Variants in ZNF681 observed in about 807,000 individuals in gnomAD.
ZNF681 encodes zinc finger protein 681.
In ZNF681, 37 loss-of-function variants were observed where a neutral mutation model predicts 56.0. The ratio of observed to expected loss-of-function variants is 0.66; its 90% confidence interval spans 0.51 to 0.87. The LOEUF is 0.87. Ranked by LOEUF, ZNF681 falls within the 40% of genes least tolerant of loss-of-function variation. The pLI is 0.00. For missense variants in ZNF681, 741 were observed against 744.9 expected (o/e 0.99, Z 0.06); for synonymous variants, 225 against 248.6 (o/e 0.91, Z 0.89).
rs2144835363 is a variant in ZNF681 at position 23,740,984 on chromosome 19, C to T, written c.*2628G>A. ...AAACAAAAATTTGCATAGGGAGATT[C>T]TGAATTATAAGCCATACAATTTTAC... On this transcript the variant is annotated 3_prime_UTR_variant, in exon 4 of 4. Coordinates refer to ENST00000402377, the MANE Select transcript of ZNF681 (RefSeq NM_138286.3). 6.6e-6 allele frequency: 1 copy of T among 152,174 alleles called. No individual in the cohort carries two copies. Among genetic ancestry groups the T allele is most frequent in the East Asian group, 1.9e-4 (1 of 5,178 alleles). 9.4% of individuals were successfully genotyped at this position (152,174 alleles called of 1,614,324 possible).
chr19:23,751,338 T>C (rs1007492803), intron 3 of ZNF681, among the ~76,000 whole-genome samples: 130 of 151,110 alleles, frequency 8.6e-4, no homozygotes, highest in African/African-American at 2.6e-3. Context: ...TAGCTGGGCG[T>C]TTTGGCACAT....
In ZNF681 at chr19:23,744,775, A is replaced by G. The variant is rs144389205; in HGVS notation, c.775T>C (p.Cys259Arg). 5.0e-6 allele frequency: 8 copies of G among 1,612,978 alleles called. No homozygotes were observed. In the South Asian group the frequency reaches 5.5e-5, roughly 11 times the overall value. ...GACGACAGGTTAAAGGCTTTGCTACATTCTTCACGTTTGTAGAGTTTGTCT... is the reference window on the plus strand; with the variant it reads ...GACGACAGGTTAAAGGCTTTGCTACGTTCTTCACGTTTGTAGAGTTTGTCT... ...TRDKLYKREE[C>R]SKAFNLSSHI... The change falls in exon 4 of 4, where the codon TGT becomes CGT. Residue 259 changes from cysteine (C) to arginine (R), a missense_variant. Cys to Arg is a radical substitution (Grantham distance 180). Transcript: ENST00000402377.
chr19:23,747,387 C>G (rs974701095), intron 3 of ZNF681, among the ~76,000 whole-genome samples: 2 of 151,980 alleles, frequency 1.3e-5, no homozygotes, highest in African/African-American at 4.8e-5. Flanking sequence ...AGCCTGTAAT[C>G]CCAGCACTTT....
At position 23,743,818 on chromosome 19, in the gene ZNF681, T is replaced by C. The variant is rs995833025; in HGVS notation, c.1732A>G (p.Thr578Ala). ...CCAGTATGAATTCTCTTATGTCTAG[T>C]AAGGTGTGAGGACTGGTTAAAGGCT... ...GKAFNQSSHL[T>A]RHKRIHTGEK... Residue 578 changes from threonine (T) to alanine (A), a missense_variant, in exon 4 of 4, where the codon ACT (threonine) becomes GCT (alanine). Physicochemically the swap from Thr to Ala is moderately conservative, Grantham distance 58. Coordinates refer to ENST00000402377, the MANE Select transcript of ZNF681 (RefSeq NM_138286.3). 2 of 1,611,046 alleles carry C rather than the reference T, an allele frequency of 1.2e-6. No individual in the cohort carries two copies. Among genetic ancestry groups the C allele is most frequent in the Admixed American group, 3.3e-5 (2 of 59,830 alleles).
intron 3 of ZNF681, among the ~76,000 whole-genome samples, chr19:23,749,107 TTACAAA>T (rs1322819503): frequency 1.2e-4 from 18 of 152,152 alleles, no homozygotes; most frequent in African/African-American, 4.3e-4. Flanking sequence ...CTTTCTTGAC[TTACAAA>T]TACATCAAAA....
At chr19:23,750,299 A>AG (rs535165544) in intron 3 of ZNF681, among the ~76,000 whole-genome samples, 1 of 129,642 alleles carries the variant, frequency 7.7e-6, no homozygotes, top group Non-Finnish European at 1.6e-5. Context: ...AAAAAAAAAA[A>AG]AAAACCAAAA....
At chr19:23,757,608 T>A (rs10411497) in intron 1 of ZNF681, among the ~76,000 whole-genome samples, 148,900 of 152,176 alleles carry the variant, frequency 0.98, 72,940 homozygotes, top group Middle Eastern at 1. Context: ...TTTATTTTTT[T>A]AATTTATCTG....
chr19:23,755,467 T>C lies in ZNF681; in HGVS notation c.88A>G (p.Arg30Gly), dbSNP rs777381121. The change falls in exon 2 of 4, where the codon AGG becomes GGG. Residue 30 changes from arginine (R) to glycine (G), a missense_variant. Coordinates refer to ENST00000402377, the MANE Select transcript of ZNF681 (RefSeq NM_138286.3). ...CLDTIQQNLY[R>G]NVMLENYRNL... ...CTGTAGTTCTCTAACATCACATTCCTATATAAATTCTGCTGTATAGTGTCC... is the reference window on the plus strand; with the variant it reads ...CTGTAGTTCTCTAACATCACATTCCCATATAAATTCTGCTGTATAGTGTCC... 5.6e-6 allele frequency: 9 copies of C among 1,611,968 alleles called. No homozygotes were observed. In the East Asian group the frequency reaches 2.0e-4, roughly 36 times the overall value.
chr19:23,758,644 C>T, intron 1 of ZNF681, 103 bp downstream of exon 1: 2 of 1,575,330 alleles, frequency 1.3e-6, no homozygotes, highest in East Asian at 2.2e-5. Context: ...GCCGCCTGGG[C>T]GAGGAGAACT....
chr19:23,749,208 T>A lies in ZNF681; in HGVS notation c.227-3885A>T, dbSNP rs556185343. 5.3e-5 allele frequency among the ~76,000 whole-genome samples: 8 copies of A among 152,302 alleles called. No homozygotes were observed. In the South Asian group the frequency reaches 8.3e-4, roughly 16 times the overall value. On this transcript the variant is annotated intron_variant, in intron 3 of 3. Transcript: ENST00000402377. ...TTAAGACAAACTTCGAGAATTATTA[T>A]GTCACCTGAAATAAGCCATTAACAA...
At chr19:23,756,311 C>T (rs530474098) in intron 1 of ZNF681, among the ~76,000 whole-genome samples, 8 of 87,786 alleles carry the variant, frequency 9.1e-5, no homozygotes, top group Admixed American at 4.4e-4. Context: ...GGCGACAGAG[C>T]GACACTCTGT....
intron 1 of ZNF681, among the ~76,000 whole-genome samples, 164 bp from the exon 2 acceptor site, chr19:23,755,715 A>C (rs941096645): frequency 1.3e-5 from 2 of 151,688 alleles, no homozygotes; most frequent in Middle Eastern, 3.2e-3. Context: ...CAATAAAATA[A>C]TTTTTTTTTA....
intron 1 of ZNF681, 138 bp from the exon 2 acceptor site, chr19:23,755,689 A>G: frequency 2.9e-6 from 3 of 1,045,754 alleles, no homozygotes; most frequent in Non-Finnish European, 3.8e-6. Context: ...GACTTACAGA[A>G]ATGACTGAAA....
In ZNF681 at chr19:23,758,776, C is replaced by A. The variant is rs750262725; in HGVS notation, c.-27G>T. 6.2e-7 allele frequency: 1 copy of A among 1,614,202 alleles called. No homozygotes were observed. Among genetic ancestry groups the A allele is most frequent in the Admixed American group, 1.7e-5 (1 of 60,022 alleles). Reference sequence around the variant, plus strand: ...TCTAGGTTTCCGGGGGACCTGGCGTCTTAGCTATGGATCGCCAATACCTGC... The same window carrying A: ...TCTAGGTTTCCGGGGGACCTGGCGTATTAGCTATGGATCGCCAATACCTGC... On this transcript the variant is annotated 5_prime_UTR_variant, in exon 1 of 4. Transcript: ENST00000402377.
chr19:23,757,072 T>C lies in ZNF681; in HGVS notation c.4-1521A>G, dbSNP rs146790275. 6.0e-3 allele frequency among the ~76,000 whole-genome samples: 914 copies of C among 152,100 alleles called. 7 individuals are homozygous for C. The highest frequency in any genetic ancestry group is 0.021 in the African/African-American group (863 of 41,496). The stretch of plus-strand genomic sequence containing the variant: ...TTTTAGTAGAGATGGGCTTTCACCA[T>C]GTTGGCCAGGCTGGTCTCTTTGCCA... On this transcript the variant is annotated intron_variant, in intron 1 of 3. Coordinates refer to ENST00000402377, the MANE Select transcript of ZNF681 (RefSeq NM_138286.3).
intron 1 of ZNF681, among the ~76,000 whole-genome samples, chr19:23,757,085 G>A (rs903751008): frequency 3.3e-5 from 5 of 151,832 alleles, no homozygotes; most frequent in Admixed American, 2.6e-4. Flanking sequence ...TGGCCAGGCT[G>A]GTCTCTTTGC....
At position 23,744,633 on chromosome 19, in the gene ZNF681, C is replaced by G; in HGVS notation, c.917G>C (p.Arg306Thr). 1 of 1,595,780 alleles carries G rather than the reference C, an allele frequency of 6.3e-7. No individual in the cohort carries two copies. The highest frequency in any genetic ancestry group is 8.6e-7 in the Non-Finnish European group (1 of 1,167,174). Residue 306 changes from arginine to threonine, a missense_variant, in exon 4 of 4, where the codon AGA becomes ACA. Transcript: ENST00000402377. ...TTCCTTATATTCATTGAGTTTCTCT[C>G]TGGTATGAATTATCTTATGTGTAGT... ...TLTTHKIIHT[R>T]EKLNEYKECG...
In ZNF681 at chr19:23,744,793, G is replaced by C. The variant is rs749734643; in HGVS notation, c.757C>G (p.Leu253Val). The C allele has an allele frequency of 1.2e-6, 2 of 1,612,926 alleles. No individual in the cohort carries two copies. Among genetic ancestry groups the C allele is most frequent in the East Asian group, 2.2e-5 (1 of 44,864 alleles). ...TTGCTACATTCTTCACGTTTGTAGA[G>C]TTTGTCTCTAGTATAAATTATCTTA... ...THKIIYTRDKLYKREECSKAF... is the reference protein window; with the variant it reads ...THKIIYTRDKVYKREECSKAF... Residue 253 changes from leucine to valine, a missense_variant, in exon 4 of 4, where the codon CTC becomes GTC. Coordinates refer to ENST00000402377, the MANE Select transcript of ZNF681 (RefSeq NM_138286.3).
chr19:23,744,850 C>A lies in ZNF681; in HGVS notation c.700G>T (p.Ala234Ser), dbSNP rs1968921050. 4 of 1,613,498 alleles carry A rather than the reference C, an allele frequency of 2.5e-6. No homozygotes were observed. In the East Asian group the frequency reaches 8.9e-5, roughly 36 times the overall value. ...GTAAGGTTTGTGAACTGGTTACAGGCTTTGCCACATTCTTCACATATGTAC... is the reference window on the plus strand; with the variant it reads ...GTAAGGTTTGTGAACTGGTTACAGGATTTGCCACATTCTTCACATATGTAC... ...KSYICEECGK[A>S]CNQFTNLTTH... Residue 234 changes from alanine to serine, a missense_variant, in exon 4 of 4, where the codon GCC becomes TCC. By Grantham distance (99) the Ala-to-Ser change is moderately conservative. Transcript: ENST00000402377.
Sources: gnomAD v4.1 joint callset for allele counts (sites outside exome capture counted in the v4.1 genomes callset) on GRCh38, gnomAD v4.1.1 for gene constraint, MANE v1.5 for transcripts, NCBI Gene and HGNC (gene_info 2026-07-23, HGNC 2026-07-21) for gene names.